Variants in ZBTB7C observed in about 807,000 individuals in gnomAD.
ZBTB7C encodes the protein zinc finger and BTB domain-containing protein 7C.
ZBTB7C carries 8 observed loss-of-function variants against 25.7 expected under a neutral mutation model. The ratio of observed to expected loss-of-function variants is 0.31; its 90% CI spans 0.18 to 0.56. The LOEUF (loss-of-function observed/expected upper bound fraction) is 0.56, where lower values mean the gene tolerates loss of function less well. Ranked by LOEUF, ZBTB7C falls within the 20% of genes least tolerant of loss-of-function variation. The pLI is 0.91. For synonymous variants in ZBTB7C, 394 were observed against 369.0 expected, an observed-to-expected ratio of 1.07 and a Z score of -0.78; for missense variants, 824 against 855.2, an observed-to-expected ratio of 0.96 and a Z score of 0.46.
chr18:48,335,996 T>C (rs186985618), intron 2 of ZBTB7C, among the ~76,000 whole-genome samples: 33 of 152,314 alleles, frequency 2.2e-4, no homozygotes, highest in African/African-American at 7.7e-4. Context: ...AGTCTTGCCT[T>C]GGCTTCTTGC....
intron 2 of ZBTB7C, among the ~76,000 whole-genome samples, chr18:48,310,208 C>CAACAGAGT (rs199732513): frequency 0.011 from 1,646 of 149,724 alleles, 32 homozygotes; most frequent in African/African-American, 0.039. Context: ...CCAGCCTGGG[C>CAACAGAGT]AACAGAGTGA....
rs372147656 is a variant in ZBTB7C, at chr18:48,257,241, G to A, written c.-78-71246C>T. Among the ~76,000 whole-genome samples the A allele has an allele frequency of 2.0e-5, 3 of 152,062 alleles. No homozygotes were observed. The East Asian group carries it at 5.8e-4, about 29-fold the overall frequency. On this transcript the variant is annotated intron_variant, in intron 2 of 4. Transcript: ENST00000590800. ...GATTTCAGAGCAAAAATATTACCAGGAATAAAGAGAAAATTCCATAATGAT... is the reference window on the plus strand; with the variant it reads ...GATTTCAGAGCAAAAATATTACCAGAAATAAAGAGAAAATTCCATAATGAT...
chr18:48,324,842 G>C (rs1001024175), intron 2 of ZBTB7C, among the ~76,000 whole-genome samples: 2 of 152,174 alleles, frequency 1.3e-5, no homozygotes, highest in African/African-American at 4.8e-5. Flanking sequence ...TCCAGGGAAG[G>C]GGGTGGTGAG....
At chr18:48,337,777 C>T (rs1194455483) in intron 2 of ZBTB7C, among the ~76,000 whole-genome samples, 3 of 152,216 alleles carry the variant, frequency 2.0e-5, no homozygotes, top group Admixed American at 2.0e-4. Context: ...ATCATGGACA[C>T]GATGAAAGAG....
chr18:48,346,217 C>T (rs949354614), intron 1 of ZBTB7C, among the ~76,000 whole-genome samples: 1 of 152,240 alleles, frequency 6.6e-6, no homozygotes, highest in African/African-American at 2.4e-5. Context: ...CCCAGCTTCA[C>T]CCCACAAAGC....
intron 3 of ZBTB7C, among the ~76,000 whole-genome samples, chr18:48,164,424 G>C (rs944184339): frequency 6.6e-6 from 1 of 152,096 alleles, no homozygotes; most frequent in Non-Finnish European, 1.5e-5. Context: ...ACACTCTCAT[G>C]TTAACCCATA....
At chr18:48,138,683 T>G (rs1477510246) in intron 3 of ZBTB7C, among the ~76,000 whole-genome samples, 1 of 152,110 alleles carries the variant, frequency 6.6e-6, no homozygotes, top group Non-Finnish European at 1.5e-5. Context: ...TTTCCAAGAT[T>G]GGATGACTCC....
chr18:48,166,125 G>A (rs761639120), intron 3 of ZBTB7C, among the ~76,000 whole-genome samples: 8 of 151,994 alleles, frequency 5.3e-5, no homozygotes, highest in South Asian at 2.1e-4. Flanking sequence ...ATTTTAAGGC[G>A]AAATTCCGTG....
intron 3 of ZBTB7C, among the ~76,000 whole-genome samples, chr18:48,057,068 A>C (rs2036946262): frequency 6.6e-6 from 1 of 151,362 alleles, no homozygotes; most frequent in African/African-American, 2.4e-5. Context: ...AAAAAAAAAA[A>C]AACCAACCCA....
chr18:48,092,074 T>C (rs1183822739), intron 3 of ZBTB7C, among the ~76,000 whole-genome samples: 1 of 152,178 alleles, frequency 6.6e-6, no homozygotes, highest in Non-Finnish European at 1.5e-5. Context: ...CATGCTGATA[T>C]TGCAATAATA....
At chr18:48,222,384 T>C (rs774201636) in intron 2 of ZBTB7C, among the ~76,000 whole-genome samples, 1 of 152,178 alleles carries the variant, frequency 6.6e-6, no homozygotes, top group African/African-American at 2.4e-5. Flanking sequence ...TGCCTGCCCA[T>C]TGAGCAACTG....
rs552007378 is a variant in ZBTB7C, at chr18:48,175,847, A to G, written c.-17+10087T>C. On this transcript the variant is annotated intron_variant, in intron 3 of 4. Coordinates refer to ENST00000590800, the MANE Select transcript of ZBTB7C (RefSeq NM_001318841.2). ...AACCAGAGTTCATCATTCTATGCAG[A>G]TAATAAATAAAAACATTCTGTTGCT... Among the ~76,000 whole-genome samples, 38 of 152,376 alleles carry G rather than the reference A, an allele frequency of 2.5e-4. No individual in the cohort carries two copies. In the Middle Eastern group the frequency reaches 0.01, roughly 41 times the overall value.
chr18:48,276,809 T>A (rs1377367516), intron 2 of ZBTB7C, among the ~76,000 whole-genome samples: 2 of 106,802 alleles, frequency 1.9e-5, no homozygotes, highest in African/African-American at 7.6e-5. Flanking sequence ...CATTTGGGTA[T>A]ATACCCAGTA....
At chr18:48,249,983 C>A (rs75839849) in intron 2 of ZBTB7C, among the ~76,000 whole-genome samples, 2,081 of 152,246 alleles carry the variant, frequency 0.014, 40 homozygotes, top group African/African-American at 0.045. Flanking sequence ...TTGCCTTGGC[C>A]GGAAGTTTTG....
intron 3 of ZBTB7C, among the ~76,000 whole-genome samples, chr18:48,083,467 C>T (rs1001198208): frequency 2.6e-5 from 4 of 152,196 alleles, no homozygotes; most frequent in South Asian, 2.1e-4. Flanking sequence ...ACCCATCCCA[C>T]ACCTCCTCAT....
At chr18:48,294,666 C>A (rs11661517) in intron 2 of ZBTB7C, among the ~76,000 whole-genome samples, 15,062 of 151,822 alleles carry the variant, frequency 0.099, 1,011 homozygotes, top group Non-Finnish European at 0.14. Context: ...TGACCTGCCC[C>A]CCACCCCTCC....
At chr18:48,172,480 T>C (rs1462869224) in intron 3 of ZBTB7C, among the ~76,000 whole-genome samples, 1 of 152,048 alleles carries the variant, frequency 6.6e-6, no homozygotes, top group African/African-American at 2.4e-5. Context: ...CCTGTCTCCA[T>C]GAGTGTGTCT....
intron 3 of ZBTB7C, among the ~76,000 whole-genome samples, chr18:48,062,050 A>G (rs1327830492): frequency 6.6e-6 from 1 of 152,232 alleles, no homozygotes; most frequent in Non-Finnish European, 1.5e-5. Flanking sequence ...GTGCTAAACC[A>G]GAAAATTTAC....
intron 3 of ZBTB7C, among the ~76,000 whole-genome samples, chr18:48,139,400 G>C (rs1345848044): frequency 1.3e-5 from 2 of 152,146 alleles, no homozygotes; most frequent in Admixed American, 1.3e-4. Context: ...TGGGAGGGAA[G>C]CTGTAGGGAG....
Sources: gnomAD v4.1 joint callset for allele counts (sites outside exome capture counted in the v4.1 genomes callset) on GRCh38, gnomAD v4.1.1 for gene constraint, MANE v1.5 for transcripts, NCBI Gene and HGNC (gene_info 2026-07-23, HGNC 2026-07-21) for gene names.